The following ACYP2 variants were observed in gnomAD, a reference collection of about 807,000 sequenced individuals.
ACYP2 encodes acylphosphatase 2.
In ACYP2, 12 loss-of-function variants were observed where a neutral mutation model predicts 11.2. The ratio of observed to expected loss-of-function variants is 1.08; its 90% confidence interval spans 0.69 to 1.74. ACYP2 has a LOEUF of 1.74. ACYP2 is among the 40% of genes most tolerant of loss of function. The pLI is 0.00. For synonymous variants in ACYP2, 43 were observed against 32.2 expected, an observed-to-expected ratio of 1.33 and a Z score of -1.13; for missense variants, 134 against 101.9, an observed-to-expected ratio of 1.31 and a Z score of -1.35.
chr2:54,193,809 A>G (rs1202633921), intron 6 of ACYP2, among the ~76,000 whole-genome samples: 7 of 152,198 alleles, frequency 4.6e-5, no homozygotes, highest in Admixed American at 2.6e-4. Flanking sequence ...TGTTGTCTTT[A>G]TATCTGCAAA....
At chr2:54,203,346 A>G (rs1684934903) in intron 6 of ACYP2, among the ~76,000 whole-genome samples, 1 of 152,212 alleles carries the variant, frequency 6.6e-6, no homozygotes, top group Non-Finnish European at 1.5e-5. Flanking sequence ...CCTGTTTACT[A>G]CTTCTAACAG....
intron 6 of ACYP2, among the ~76,000 whole-genome samples, chr2:54,283,792 G>A (rs1688949827): frequency 7.2e-5 from 11 of 152,224 alleles, no homozygotes; most frequent in Admixed American, 7.2e-4. Context: ...TGATGATGTA[G>A]AATGTAGACA....
intron 6 of ACYP2, among the ~76,000 whole-genome samples, chr2:54,195,659 C>T (rs1161490186): frequency 1.4e-5 from 2 of 146,036 alleles, no homozygotes; most frequent in Non-Finnish European, 1.5e-5. Context: ...AAACAAAACA[C>T]TGTACTAACT....
At chr2:54,188,999 C>T (rs572596187) in intron 6 of ACYP2, among the ~76,000 whole-genome samples, 2 of 152,316 alleles carry the variant, frequency 1.3e-5, no homozygotes, top group East Asian at 1.9e-4. Flanking sequence ...TGGATCATTC[C>T]CATTGGCAAA....
At chr2:54,236,312 T>C (rs1374395477) in intron 6 of ACYP2, among the ~76,000 whole-genome samples, 1 of 152,166 alleles carries the variant, frequency 6.6e-6, no homozygotes, top group African/African-American at 2.4e-5. Flanking sequence ...GCTTTTCAGC[T>C]TTTCTTCTTC....
chr2:54,054,204 A>G (rs549635637), intron 3 of ACYP2, among the ~76,000 whole-genome samples: 1 of 152,336 alleles, frequency 6.6e-6, no homozygotes, highest in East Asian at 1.9e-4. Flanking sequence ...ATGGAATAAG[A>G]TAACTTATTC....
At chr2:54,175,709 T>G (rs1683429787) in intron 6 of ACYP2, among the ~76,000 whole-genome samples, 1 of 152,162 alleles carries the variant, frequency 6.6e-6, no homozygotes, top group South Asian at 2.1e-4. Flanking sequence ...ATCAAACTAA[T>G]ACATACTGTG....
chr2:54,256,233 T>C, intron 6 of ACYP2: 2 of 1,475,618 alleles, frequency 1.4e-6, no homozygotes, highest in African/African-American at 1.4e-5. Context: ...AAATGGCGAG[T>C]AAACACCTCG....
intron 4 of ACYP2, among the ~76,000 whole-genome samples, chr2:54,058,990 A>G (rs1676320140): frequency 6.6e-6 from 1 of 151,988 alleles, no homozygotes; most frequent in Non-Finnish European, 1.5e-5. Context: ...GGGTTTGGAA[A>G]GTTTCTGGTT....
intron 6 of ACYP2, chr2:54,255,933 G>C: frequency 6.2e-7 from 1 of 1,614,128 alleles, no homozygotes; most frequent in Non-Finnish European, 8.5e-7. Context: ...CATCGACCAA[G>C]ATGTGGAAAG....
chr2:54,040,198 G>C (rs1317828661), intron 2 of ACYP2, among the ~76,000 whole-genome samples: 2 of 152,150 alleles, frequency 1.3e-5, no homozygotes, highest in Non-Finnish European at 2.9e-5. Flanking sequence ...TGATAGGTCA[G>C]ATGTGAGGTG....
intron 2 of ACYP2, among the ~76,000 whole-genome samples, chr2:54,035,101 T>G (rs141670920): frequency 0.019 from 2,880 of 150,340 alleles, 97 homozygotes; most frequent in African/African-American, 0.067. Context: ...AGCCCCAGCC[T>G]TGGGCAAAAT....
At chr2:54,007,138 CAAAAAAAAAAAAAAAA>C (rs70944145) in intron 2 of ACYP2, among the ~76,000 whole-genome samples, 1 of 52,206 alleles carries the variant, frequency 1.9e-5, no homozygotes, top group Non-Finnish European at 3.5e-5. Context: ...GACTCTGTGT[CAAAAAAAAAAAAAAAA>C]AAAAAAAAAA....
chr2:54,201,622 T>TTC (rs1402481874), intron 6 of ACYP2, among the ~76,000 whole-genome samples: 3,719 of 105,418 alleles, frequency 0.035, 125 homozygotes, highest in East Asian at 0.085. Context: ...CTTTCTTTCT[T>TTC]TGTTTCTTTC....
intron 6 of ACYP2, among the ~76,000 whole-genome samples, chr2:54,235,538 G>A (rs982764076): frequency 2.6e-5 from 4 of 152,064 alleles, no homozygotes; most frequent in Non-Finnish European, 5.9e-5. Context: ...TTTTAGTAGA[G>A]GCAGGGTTTC....
intron 6 of ACYP2, among the ~76,000 whole-genome samples, chr2:54,205,733 C>A (rs1004112004): frequency 6.6e-6 from 1 of 152,154 alleles, no homozygotes; most frequent in African/African-American, 2.4e-5. Context: ...CTGAAATACT[C>A]CTCCCCTCTA....
chr2:54,227,929 C>T (rs895663827), intron 6 of ACYP2, among the ~76,000 whole-genome samples: 4 of 152,180 alleles, frequency 2.6e-5, no homozygotes, highest in Non-Finnish European at 5.9e-5. Context: ...CCTGATTTTA[C>T]ATAACTTTCA....
chr2:54,177,827 C>G (rs1022910538), intron 6 of ACYP2, among the ~76,000 whole-genome samples: 2 of 150,272 alleles, frequency 1.3e-5, no homozygotes, highest in Non-Finnish European at 3.0e-5. Flanking sequence ...GATTCGCCCC[C>G]ACTCGGCCTC....
At chr2:54,176,647 G>A (rs998492295) in intron 6 of ACYP2, among the ~76,000 whole-genome samples, 2 of 152,176 alleles carry the variant, frequency 1.3e-5, no homozygotes, top group Admixed American at 1.3e-4. Flanking sequence ...CATCTTAGTG[G>A]ATGTTGTAGC....
Sources: gnomAD v4.1 joint callset for allele counts (sites outside exome capture counted in the v4.1 genomes callset) on GRCh38, gnomAD v4.1.1 for gene constraint, MANE v1.5 for transcripts, NCBI Gene and HGNC (gene_info 2026-07-23, HGNC 2026-07-21) for gene names.